The following ABCD3 variants were observed in gnomAD, a reference collection of about 807,000 sequenced individuals.
The protein encoded by ABCD3 is ATP binding cassette subfamily D member 3.
ABCD3 carries 41 observed loss-of-function variants against 105.5 expected under a neutral mutation model. The observed-to-expected ratio is 0.39, with a 90% CI of 0.30 to 0.50. ABCD3 has a LOEUF of 0.50. Ranked by LOEUF, ABCD3 falls within the 20% of genes least tolerant of loss-of-function variation. ABCD3 has a pLI of 0.84. For synonymous variants in ABCD3, 258 were observed against 269.0 expected (o/e 0.96, Z 0.40); for missense variants, 622 against 806.3 (o/e 0.77, Z 2.77).
Position 94,506,536 on chromosome 1 carries a change from A to T in ABCD3, c.1741-2A>T, listed in dbSNP as rs776411637. The T allele has an allele frequency of 6.2e-7, 1 of 1,610,252 alleles. No homozygotes were observed. Among genetic ancestry groups the T allele is most frequent in the Non-Finnish European group, 8.5e-7 (1 of 1,177,154 alleles). On this transcript the variant is annotated splice_acceptor_variant, in intron 20 of 22. Transcript: ENST00000370214. LOFTEE classifies it high-confidence loss of function. ...ACACAAAAAATTTTTTTTATGCTTC[A>T]GATGGCAAGATTATTTTATCATAAA...
Position 94,502,786 on chromosome 1 carries a change from C to T in ABCD3, c.1740+3172C>T, listed in dbSNP as rs115166542. Among the ~76,000 whole-genome samples, 812 of 152,196 alleles carry T rather than the reference C, an allele frequency of 5.3e-3. 8 individuals carry two copies. The highest frequency in any genetic ancestry group is 0.018 in the African/African-American group (750 of 41,518). ...ATGTGCTGGGATTTCATGCGTGAGCCGCCGCGCCCCATTTTACAGAGGAAA... is the reference window on the plus strand; with the variant it reads ...ATGTGCTGGGATTTCATGCGTGAGCTGCCGCGCCCCATTTTACAGAGGAAA... On this transcript the variant is annotated intron_variant, in intron 20 of 22. Coordinates refer to ENST00000370214, the MANE Select transcript of ABCD3 (RefSeq NM_002858.4).
intron 1 of ABCD3, among the ~76,000 whole-genome samples, chr1:94,426,630 A>C: frequency 6.7e-6 from 1 of 148,958 alleles, no homozygotes. Flanking sequence ...GCAACCTCCG[A>C]CTCCCGGGTT....
At chr1:94,411,442 C>G in the ABCD3 span, among the ~76,000 whole-genome samples, 1 of 152,098 alleles carries the variant, frequency 6.6e-6, no homozygotes, top group Non-Finnish European at 1.5e-5. Context: ...TCACTTTACA[C>G]TCATTAGGAT....
At chr1:94,422,097 A>G (rs1229503782) in intron 1 of ABCD3, among the ~76,000 whole-genome samples, 1 of 152,164 alleles carries the variant, frequency 6.6e-6, no homozygotes. Context: ...GACTCAGTCA[A>G]CACTTTGTCT....
upstream of ABCD3, among the ~76,000 whole-genome samples, chr1:94,413,413 A>G (rs779176271): frequency 1.2e-4 from 18 of 152,200 alleles, no homozygotes; most frequent in Non-Finnish European, 2.4e-4. Context: ...ACAGGATGCA[A>G]TGCGGACACA....
chr1:94,487,517 G>A, intron 10 of ABCD3, 25 bp from the exon 11 acceptor site: 1 of 1,608,140 alleles, frequency 6.2e-7, no homozygotes, highest in Non-Finnish European at 8.5e-7. Context: ...GAAAAAGATG[G>A]TTTTTTGTTT....
intron 1 of ABCD3, among the ~76,000 whole-genome samples, chr1:94,427,742 T>G (rs1659524032): frequency 6.6e-6 from 1 of 152,214 alleles, no homozygotes; most frequent in Non-Finnish European, 1.5e-5. Context: ...CCCAAAAGTA[T>G]CAGGATTACA....
chr1:94,516,016 T>C (rs1219512732), intron 22 of ABCD3, among the ~76,000 whole-genome samples: 1 of 151,976 alleles, frequency 6.6e-6, no homozygotes, highest in Non-Finnish European at 1.5e-5. Context: ...AATACATACC[T>C]GATTAAGGAC....
At chr1:94,495,896 T>A (rs1649775067) in intron 16 of ABCD3, among the ~76,000 whole-genome samples, 1 of 152,174 alleles carries the variant, frequency 6.6e-6, no homozygotes, top group Non-Finnish European at 1.5e-5. Flanking sequence ...ATGAGGAACA[T>A]TCAGTATATT....
In ABCD3 at chr1:94,488,938, TG is replaced by T. The variant is rs201611252; in HGVS notation, c.1158-786del. On this transcript the variant is annotated intron_variant, in intron 13 of 22. Transcript: ENST00000370214. ...TTTTTCCACTTTGTTGAGGTATGATTGACATATAAGAAACTGTTCATATTTA... is the reference window on the plus strand; with the variant it reads ...TTTTTCCACTTTGTTGAGGTATGATTACATATAAGAAACTGTTCATATTTA... 8.9e-3 allele frequency among the ~76,000 whole-genome samples: 1,359 copies of T among 151,918 alleles called. 28 individuals carry two copies. Among genetic ancestry groups the T allele is most frequent in the African/African-American group, 0.031 (1,285 of 41,444 alleles).
rs1650853971 is a variant in ABCD3, at chr1:94,514,947, G to A, written c.1846-199G>A. The A allele has an allele frequency of 1.3e-5, 7 of 547,824 alleles. No individual in the cohort carries two copies. In the South Asian group the frequency reaches 1.7e-4, roughly 14 times the overall value. 33.9% of individuals were successfully genotyped at this position (547,824 alleles called of 1,614,324 possible). On this transcript the variant is annotated intron_variant, in intron 21 of 22. Transcript: ENST00000370214. ...ATAATACACTTAATGCCAGTACCTG[G>A]TAGTTTTTATTATGTGGTTGATGGC...
rs748799669 is a variant in ABCD3, at chr1:94,489,889, AT to A, written c.1250-10del. ...GACATAATATGATGCTTTAATACCT[AT>A]TTTCCATTTAAGGTATTGAAGGAGT... On this transcript the variant is annotated splice_polypyrimidine_tract_variant and intron_variant, in intron 14 of 22. Transcript: ENST00000370214. 6.2e-7 allele frequency: 1 copy of A among 1,611,836 alleles called. No homozygotes were observed. Among genetic ancestry groups the A allele is most frequent in the East Asian group, 2.2e-5 (1 of 44,778 alleles).
At chr1:94,502,535 C>T (rs1486111445) in intron 20 of ABCD3, among the ~76,000 whole-genome samples, 2 of 148,186 alleles carry the variant, frequency 1.3e-5, no homozygotes, top group Non-Finnish European at 3.0e-5. Flanking sequence ...CTCATTCTGT[C>T]GCCCAGGCCG....
At chr1:94,448,121 G>T (rs765857394) in intron 1 of ABCD3, among the ~76,000 whole-genome samples, 1 of 152,158 alleles carries the variant, frequency 6.6e-6, no homozygotes, top group East Asian at 1.9e-4. Context: ...CCACAAGCAG[G>T]ACTTAGTAGA....
At chr1:94,398,935 AC>A in the ABCD3 span, among the ~76,000 whole-genome samples, 19 of 152,042 alleles carry the variant, frequency 1.2e-4, no homozygotes, top group African/African-American at 3.1e-4. Flanking sequence ...AAACAAACAA[AC>A]AAAAAAAACC....
intron 16 of ABCD3, among the ~76,000 whole-genome samples, chr1:94,496,421 C>G (rs891182323): frequency 6.6e-6 from 1 of 151,668 alleles, no homozygotes; most frequent in Non-Finnish European, 1.5e-5. Context: ...GTCAGAGTTT[C>G]ATTCATTTTA....
At chr1:94,461,207 AATT>A (rs1230177558) in intron 2 of ABCD3, among the ~76,000 whole-genome samples, 3 of 152,064 alleles carry the variant, frequency 2.0e-5, no homozygotes, top group African/African-American at 7.2e-5. Context: ...AGAATTTTCT[AATT>A]TTTCTACAGT....
the ABCD3 span, among the ~76,000 whole-genome samples, chr1:94,407,692 G>C: frequency 6.6e-6 from 1 of 152,110 alleles, no homozygotes; most frequent in African/African-American, 2.4e-5. Flanking sequence ...GTTTGTTCTT[G>C]GTAGTTATTT....
At chr1:94,494,120 T>C (rs984025517) in intron 16 of ABCD3, among the ~76,000 whole-genome samples, 4 of 151,972 alleles carry the variant, frequency 2.6e-5, no homozygotes, top group African/African-American at 9.7e-5. Flanking sequence ...AAAAGAACAA[T>C]AACTACCCTG....
Sources: gnomAD v4.1 joint callset for allele counts (sites outside exome capture counted in the v4.1 genomes callset) on GRCh38, gnomAD v4.1.1 for gene constraint, MANE v1.5 for transcripts, NCBI Gene and HGNC (gene_info 2026-07-23, HGNC 2026-07-21) for gene names.